Variants in OPHN1 observed in about 807,000 individuals in gnomAD.
OPHN1 encodes the protein oligophrenin 1.
Under a neutral mutation model 60.7 loss-of-function variants are expected in OPHN1, and 11 were observed. The observed-to-expected ratio is 0.18, with a 90% CI of 0.11 to 0.30. OPHN1 has a LOEUF of 0.30. Among genes scored for constraint, OPHN1 ranks in the 10% least tolerant of loss-of-function variants. The pLI is 1.00. For synonymous variants in OPHN1, 226 were observed against 222.6 expected (o/e 1.02, Z -0.14); for missense variants, 449 against 611.0 (o/e 0.73, Z 2.80).
chrX:68,185,735 GT>G (rs1326331751), intron 15 of OPHN1, among the ~76,000 whole-genome samples: 1 of 110,605 alleles, frequency 9.0e-6, no homozygotes, highest in Non-Finnish European at 1.9e-5. Context: ...GTGAATAAAT[GT>G]TGTGTGAATC....
rs2076868253 is a variant in OPHN1, at chrX:68,055,304, G to A, written c.2159-1494C>T. Among the ~76,000 whole-genome samples the A allele has an allele frequency of 2.7e-5, 3 of 111,913 alleles. No homozygotes were observed. In the South Asian group the frequency reaches 1.1e-3, roughly 42 times the overall value. The stretch of plus-strand genomic sequence containing the variant: ...CTGTAAATTTCCTCATCTGCGAAAT[G>A]AGTATAAAAACCCCTCCTCTTCATG... On this transcript the variant is annotated intron_variant, in intron 21 of 24. Transcript: ENST00000355520.
intron 15 of OPHN1, among the ~76,000 whole-genome samples, chrX:68,139,377 A>G (rs892786634): frequency 1.8e-4 from 20 of 112,165 alleles, no homozygotes; most frequent in Admixed American, 1.6e-3. Context: ...TGTCTGAAAC[A>G]TCATATGATT....
Position 68,388,541 on chromosome X carries a change from G to T in OPHN1, c.154+44326C>A, listed in dbSNP as rs1415100561. On this transcript the variant is annotated intron_variant, in intron 2 of 24. Coordinates refer to ENST00000355520, the MANE Select transcript of OPHN1 (RefSeq NM_002547.3). ...GCATTTTCAAGCAACCAGGGAAAGG[G>T]ATTAAGCCATTCAACAGCTATTTAT... 2.7e-5 allele frequency among the ~76,000 whole-genome samples: 3 copies of T among 110,943 alleles called. No individual in the cohort carries two copies. The East Asian group carries it at 8.5e-4, about 31-fold the overall frequency.
intron 5 of OPHN1, among the ~76,000 whole-genome samples, chrX:68,265,029 G>T (rs764132225): frequency 2.7e-5 from 3 of 112,456 alleles, no homozygotes; most frequent in African/African-American, 3.2e-5. Context: ...CAAAGCAGCC[G>T]GGAAGCTCAA....
chrX:68,162,406 T>TA (rs761948024), intron 15 of OPHN1, among the ~76,000 whole-genome samples: 7 of 110,152 alleles, frequency 6.4e-5, no homozygotes, highest in Non-Finnish European at 9.5e-5. Context: ...AATAAAATAA[T>TA]AAAAAAACTA....
At chrX:68,364,311 A>G (rs1419048335) in intron 2 of OPHN1, among the ~76,000 whole-genome samples, 2 of 111,910 alleles carry the variant, frequency 1.8e-5, no homozygotes, top group Non-Finnish European at 3.8e-5. Context: ...TGGAATAATT[A>G]TTTTTGCCTA....
chrX:68,072,840 A>G (rs1170043054), intron 20 of OPHN1, among the ~76,000 whole-genome samples: 1 of 112,024 alleles, frequency 8.9e-6, no homozygotes, highest in Non-Finnish European at 1.9e-5. Context: ...AAAATTTCAC[A>G]ACATTCACCT....
rs1017074473 is a variant in OPHN1 at position 68,320,851 on chromosome X, T to A, written c.155-21755A>T. 3.6e-5 allele frequency among the ~76,000 whole-genome samples: 4 copies of A among 111,680 alleles called. No individual in the cohort carries two copies. In the East Asian group the frequency reaches 8.4e-4, roughly 24 times the overall value. ...TTACCCCCTCTTTGTGTTCTATTAATTTGATAGAGCGGCTCACCAAACTCA... is the reference window on the plus strand; with the variant it reads ...TTACCCCCTCTTTGTGTTCTATTAAATTGATAGAGCGGCTCACCAAACTCA... On this transcript the variant is annotated intron_variant, in intron 2 of 24. Transcript: ENST00000355520.
chrX:68,128,096 C>T (rs1480547732), intron 15 of OPHN1, among the ~76,000 whole-genome samples: 5 of 109,106 alleles, frequency 4.6e-5, no homozygotes, highest in Non-Finnish European at 9.5e-5. Context: ...GTCACTCAGG[C>T]TGCAGTGTAA....
At chrX:68,179,459 G>A (rs745414796) in intron 15 of OPHN1, among the ~76,000 whole-genome samples, 1 of 112,185 alleles carries the variant, frequency 8.9e-6, no homozygotes, top group East Asian at 2.8e-4. Flanking sequence ...GCAAACTTGA[G>A]TCAGATTCCT....
At chrX:68,348,359 AG>A (rs1383763445) in intron 2 of OPHN1, among the ~76,000 whole-genome samples, 1 of 111,283 alleles carries the variant, frequency 9.0e-6, no homozygotes, top group East Asian at 2.8e-4. Context: ...TGCAAGTGGA[AG>A]ATGGGGAGGA....
intron 3 of OPHN1, among the ~76,000 whole-genome samples, chrX:68,288,761 T>C (rs985323477): frequency 9.2e-6 from 1 of 109,123 alleles, no homozygotes; most frequent in Non-Finnish European, 1.9e-5. Context: ...TGAAACTTCA[T>C]CTCAAAAAGA....
At chrX:68,217,006 A>C (rs1266424469) in intron 6 of OPHN1, among the ~76,000 whole-genome samples, 2 of 111,813 alleles carry the variant, frequency 1.8e-5, no homozygotes, top group Non-Finnish European at 3.8e-5. Flanking sequence ...CTGCATTTCC[A>C]TCTGACATAC....
At chrX:68,302,291 G>C (rs2078124858) in intron 2 of OPHN1, among the ~76,000 whole-genome samples, 1 of 111,986 alleles carries the variant, frequency 8.9e-6, no homozygotes, top group Non-Finnish European at 1.9e-5. Flanking sequence ...GCCACATTTA[G>C]CTAAAAATAA....
At chrX:68,133,338 T>A (rs1007679146) in intron 15 of OPHN1, 106 of 657,068 alleles carry the variant, frequency 1.6e-4, no homozygotes, top group Middle Eastern at 3.0e-4. Context: ...GAGCAAATCC[T>A]CAATACCAAA....
At chrX:68,151,671 T>G (rs1352518638) in intron 15 of OPHN1, among the ~76,000 whole-genome samples, 1 of 111,322 alleles carries the variant, frequency 9.0e-6, no homozygotes, top group African/African-American at 3.3e-5. Flanking sequence ...ATTTAACACC[T>G]TCTAGCAAGT....
chrX:68,274,884 A>C, intron 4 of OPHN1, 75 bp from the exon 5 acceptor site: 1 of 741,111 alleles, frequency 1.3e-6, no homozygotes, highest in East Asian at 3.4e-5. Flanking sequence ...TTGTTACTAC[A>C]TTTTCATTTA....
intron 2 of OPHN1, among the ~76,000 whole-genome samples, chrX:68,321,086 C>T (rs1402054026): frequency 9.0e-6 from 1 of 110,997 alleles, no homozygotes; most frequent in Non-Finnish European, 1.9e-5. Context: ...ATTGTGTAGC[C>T]ATGATTGATT....
intron 5 of OPHN1, among the ~76,000 whole-genome samples, chrX:68,254,509 G>C (rs1367589373): frequency 9.0e-6 from 1 of 110,534 alleles, no homozygotes; most frequent in Non-Finnish European, 1.9e-5. Flanking sequence ...TATTTCTTCA[G>C]ATATCAGGCA....
Sources: allele counts gnomAD v4.1 joint callset (sites outside exome capture counted in the v4.1 genomes callset), GRCh38; gene constraint gnomAD v4.1.1; transcripts MANE v1.5; gene names NCBI Gene and HGNC (gene_info 2026-07-23, HGNC 2026-07-21).